The following GPC5 variants were observed in gnomAD, a reference collection of about 807,000 sequenced individuals.
GPC5 encodes glypican-5.
A neutral mutation model predicts 53.9 loss-of-function variants in GPC5; 47 were observed. That is an observed-to-expected ratio of 0.87 (90% CI 0.69 to 1.11). The LOEUF is 1.11. Ranked by LOEUF, GPC5 falls within the 50% of genes most tolerant of loss-of-function variation. The pLI, the probability that GPC5 is intolerant of heterozygous loss-of-function variation, is 0.00. For synonymous variants in GPC5, 286 were observed against 263.3 expected (o/e 1.09, Z -0.84); for missense variants, 748 against 713.1 (o/e 1.05, Z -0.56).
chr13:92,147,178 G>A (rs1304962015), intron 7 of GPC5, among the ~76,000 whole-genome samples: 1 of 151,592 alleles, frequency 6.6e-6, no homozygotes, highest in Non-Finnish European at 1.5e-5. Context: ...AATGAAAAAG[G>A]GTTTTCACTA....
At chr13:92,573,733 C>A (rs991890267) in intron 7 of GPC5, among the ~76,000 whole-genome samples, 1 of 152,098 alleles carries the variant, frequency 6.6e-6, no homozygotes, top group African/African-American at 2.4e-5. Context: ...GGCTAAAATG[C>A]GTGCTCCCTT....
At chr13:91,898,896 A>G (rs115032002) in intron 5 of GPC5, among the ~76,000 whole-genome samples, 43 of 152,328 alleles carry the variant, frequency 2.8e-4, no homozygotes, top group African/African-American at 9.6e-4. Context: ...AAAATAAGAA[A>G]TAGAAAACAG....
intron 7 of GPC5, among the ~76,000 whole-genome samples, chr13:92,848,387 T>C (rs908059101): frequency 1.9e-4 from 29 of 152,280 alleles, no homozygotes; most frequent in Middle Eastern, 3.4e-3. Flanking sequence ...GTAGCTCTAA[T>C]TTAATAAATT....
chr13:92,634,948 T>C (rs983641030), intron 7 of GPC5, among the ~76,000 whole-genome samples: 42 of 151,962 alleles, frequency 2.8e-4, no homozygotes, highest in Non-Finnish European at 7.4e-5. Context: ...TGCTGTATTT[T>C]ATATTTTCTA....
chr13:92,252,261 G>T (rs954220386), intron 7 of GPC5, among the ~76,000 whole-genome samples: 8 of 152,052 alleles, frequency 5.3e-5, no homozygotes, highest in Admixed American at 4.6e-4. Context: ...ATAAAGCAAA[G>T]AAATTAATGT....
intron 2 of GPC5, among the ~76,000 whole-genome samples, chr13:91,526,823 T>C (rs1230870005): frequency 1.3e-5 from 2 of 152,038 alleles, no homozygotes; most frequent in African/African-American, 2.4e-5. Context: ...TGGTAGAAGG[T>C]GAAGGGGAAG....
At chr13:92,523,270 C>T (rs537253806) in intron 7 of GPC5, among the ~76,000 whole-genome samples, 127 of 152,144 alleles carry the variant, frequency 8.3e-4, no homozygotes, top group Non-Finnish European at 1.5e-3. Flanking sequence ...AAAACAACAA[C>T]AAACAAGTGT....
At chr13:92,022,935 T>C (rs2040770752) in intron 6 of GPC5, among the ~76,000 whole-genome samples, 1 of 152,102 alleles carries the variant, frequency 6.6e-6, no homozygotes, top group Admixed American at 6.6e-5. Context: ...TAATTTTTAA[T>C]TTAGTGCTTC....
intron 5 of GPC5, among the ~76,000 whole-genome samples, chr13:91,850,940 T>C (rs2038906497): frequency 6.6e-6 from 1 of 152,168 alleles, no homozygotes; most frequent in South Asian, 2.1e-4. Context: ...GAAAGAAATA[T>C]TGAGTCCAGG....
At chr13:91,432,868 T>A (rs1879604406) in intron 1 of GPC5, among the ~76,000 whole-genome samples, 1 of 152,174 alleles carries the variant, frequency 6.6e-6, no homozygotes, top group Admixed American at 6.6e-5. Context: ...AATGTGCTCC[T>A]CTTATATATA....
At chr13:92,371,238 G>A (rs1243510918) in intron 7 of GPC5, among the ~76,000 whole-genome samples, 1 of 152,166 alleles carries the variant, frequency 6.6e-6, no homozygotes, top group Non-Finnish European at 1.5e-5. Context: ...TTTGCATTTA[G>A]TATGTTATTT....
Position 92,102,415 on chromosome 13 carries a change from T to C in GPC5, c.1402-42415T>C, listed in dbSNP as rs116053453. ...AGGTACCAGACGACCAAGAAGAAAA[T>C]TGAGGAGTGGAAGTAAGTAGCAGTT... On this transcript the variant is annotated intron_variant, in intron 6 of 7. Coordinates refer to ENST00000377067, the MANE Select transcript of GPC5 (RefSeq NM_004466.6). 6.4e-3 allele frequency among the ~76,000 whole-genome samples: 966 copies of C among 152,106 alleles called. 15 individuals are homozygous for C. The highest frequency in any genetic ancestry group is 0.02 in the African/African-American group (846 of 41,496).
intron 6 of GPC5, among the ~76,000 whole-genome samples, chr13:91,917,413 C>T (rs1444198318): frequency 1.3e-5 from 2 of 152,168 alleles, no homozygotes; most frequent in African/African-American, 4.8e-5. Context: ...CAGCTGCTTT[C>T]GTGGGCTGGC....
intron 2 of GPC5, among the ~76,000 whole-genome samples, chr13:91,582,984 G>A (rs1315574696): frequency 6.6e-6 from 1 of 152,088 alleles, no homozygotes; most frequent in Non-Finnish European, 1.5e-5. Context: ...CTGTTTAACA[G>A]AGTGCAACTC....
chr13:92,414,120 A>C (rs990744925), intron 7 of GPC5, among the ~76,000 whole-genome samples: 4 of 152,220 alleles, frequency 2.6e-5, no homozygotes, highest in African/African-American at 9.6e-5. Flanking sequence ...CGGAGAATGC[A>C]GTAATACAGA....
chr13:91,969,469 AT>A (rs530338412), intron 6 of GPC5, among the ~76,000 whole-genome samples: 6 of 151,942 alleles, frequency 3.9e-5, no homozygotes, highest in South Asian at 2.1e-4. Context: ...CTTGATGGTA[AT>A]TTTTTTTGAT....
chr13:91,525,628 G>T (rs1402524410), intron 2 of GPC5, among the ~76,000 whole-genome samples: 1 of 152,184 alleles, frequency 6.6e-6, no homozygotes, highest in Admixed American at 6.5e-5. Flanking sequence ...AGTGAGGAAA[G>T]AAGTAAGTGC....
chr13:92,004,993 A>G (rs1361850112), intron 6 of GPC5, among the ~76,000 whole-genome samples: 2 of 152,058 alleles, frequency 1.3e-5, no homozygotes, highest in Non-Finnish European at 2.9e-5. Context: ...AGATTTTGCC[A>G]CCCAAATTGA....
chr13:92,787,876 C>CAA lies in GPC5; in HGVS notation c.1562-78390_1562-78389dup, dbSNP rs11346705. On this transcript the variant is annotated intron_variant, in intron 7 of 7. Transcript: ENST00000377067. ...TGGGTGACAAAGTAAGACCCTGTCTCAAAAAAAAAAAAAAAAATACTACCG... is the reference window on the plus strand; with the variant it reads ...TGGGTGACAAAGTAAGACCCTGTCTCAAAAAAAAAAAAAAAAAAATACTACCG... 2.7e-3 allele frequency among the ~76,000 whole-genome samples: 234 copies of CAA among 85,928 alleles called. 1 individual carries two copies. Among genetic ancestry groups the CAA allele is most frequent in the South Asian group, 0.012 (34 of 2,858 alleles). The allele number at this position is 85,928 out of a possible 152,430, so 56.4% of individuals were successfully genotyped here.
Sources: gnomAD v4.1 joint callset for allele counts (sites outside exome capture counted in the v4.1 genomes callset) on GRCh38, gnomAD v4.1.1 for gene constraint, MANE v1.5 for transcripts, NCBI Gene and HGNC (gene_info 2026-07-23, HGNC 2026-07-21) for gene names.